The following MKLN1 variants were observed in gnomAD, a reference collection of about 807,000 sequenced individuals.
MKLN1 encodes the protein muskelin.
In MKLN1, 18 loss-of-function variants were observed where a neutral mutation model predicts 99.0. That is an observed-to-expected ratio of 0.18 (90% CI 0.13 to 0.27). The LOEUF is 0.27. MKLN1 is among the 10% of genes least tolerant of loss of function. MKLN1 has a pLI of 1.00. For missense variants in MKLN1, 621 were observed against 875.9 expected, an observed-to-expected ratio of 0.71 and a Z score of 3.67; for synonymous variants, 288 against 293.2, an observed-to-expected ratio of 0.98 and a Z score of 0.18.
intron 8 of MKLN1, among the ~76,000 whole-genome samples, chr7:131,427,102 A>G (rs1300290618): frequency 6.6e-6 from 1 of 152,124 alleles, no homozygotes. Flanking sequence ...ACCTGTACTG[A>G]TCACCCAGTT....
chr7:131,111,633 C>A (rs946746023), intron 1 of MKLN1, among the ~76,000 whole-genome samples: 50 of 152,126 alleles, frequency 3.3e-4, no homozygotes, highest in African/African-American at 1.2e-3. Flanking sequence ...ATTTGAGAAA[C>A]AATCCTTGAA....
intron 3 of MKLN1, among the ~76,000 whole-genome samples, chr7:131,227,861 C>G: frequency 6.6e-6 from 1 of 151,624 alleles, no homozygotes; most frequent in Admixed American, 6.6e-5. Context: ...CCACCGCGCC[C>G]GGCCTTCACT....
At chr7:131,396,455 C>T (rs1451730574) in intron 4 of MKLN1, among the ~76,000 whole-genome samples, 1 of 152,082 alleles carries the variant, frequency 6.6e-6, no homozygotes, top group Non-Finnish European at 1.5e-5. Context: ...CCTTATTGCA[C>T]TGGTTGAGAC....
At chr7:131,119,577 G>A (rs925757253) in intron 1 of MKLN1, among the ~76,000 whole-genome samples, 3 of 152,226 alleles carry the variant, frequency 2.0e-5, no homozygotes, top group South Asian at 4.1e-4. Context: ...GGTTCTCAAT[G>A]AGGGCTCTAT....
intron 3 of MKLN1, among the ~76,000 whole-genome samples, chr7:131,228,397 C>G (rs1481245569): frequency 6.6e-6 from 1 of 152,208 alleles, no homozygotes; most frequent in South Asian, 2.1e-4. Context: ...GGATTACAGG[C>G]ATGATGTGCC....
In MKLN1 at chr7:131,235,618, G is replaced by A. The variant is rs1032677680; in HGVS notation, c.-179+32644G>A. ...GAAAGGAAAAGGAAATTCTCCAGGCGTAGGAGCAAAATCTCGGGGATGTAA... is the reference window on the plus strand; with the variant it reads ...GAAAGGAAAAGGAAATTCTCCAGGCATAGGAGCAAAATCTCGGGGATGTAA... On this transcript the variant is annotated intron_variant, in intron 3 of 7. Coordinates refer to the MKLN1 transcript ENST00000416992. Among the ~76,000 whole-genome samples, 6 of 152,278 alleles carry A rather than the reference G, an allele frequency of 3.9e-5. No individual in the cohort carries two copies. In the South Asian group the frequency reaches 8.3e-4, roughly 21 times the overall value.
chr7:131,347,488 C>G (rs1015310134), intron 1 of MKLN1, among the ~76,000 whole-genome samples: 7 of 151,978 alleles, frequency 4.6e-5, no homozygotes, highest in Admixed American at 4.6e-4. Flanking sequence ...AGAAGCCAAA[C>G]AAAAACAAAA....
intron 6 of MKLN1, among the ~76,000 whole-genome samples, chr7:131,405,350 A>AAC (rs1365978205): frequency 6.9e-6 from 1 of 145,976 alleles, no homozygotes; most frequent in Non-Finnish European, 1.5e-5. Flanking sequence ...ACTTATCTTG[A>AAC]ATATATATAT....
At chr7:131,207,428 C>A (rs1796830362) in intron 3 of MKLN1, among the ~76,000 whole-genome samples, 2 of 152,128 alleles carry the variant, frequency 1.3e-5, no homozygotes, top group Admixed American at 1.3e-4. Flanking sequence ...GAACTCCTGG[C>A]CTCAAGTGAT....
intron 3 of MKLN1, among the ~76,000 whole-genome samples, chr7:131,225,039 G>C (rs2398743): frequency 0.91 from 137,836 of 151,218 alleles, 62,956 homozygotes; most frequent in East Asian, 1. Flanking sequence ...TGCCACTGCA[G>C]TCCAGGCTGG....
chr7:131,212,877 C>T (rs1456959303), intron 3 of MKLN1, among the ~76,000 whole-genome samples: 5 of 151,084 alleles, frequency 3.3e-5, no homozygotes, highest in Non-Finnish European at 4.4e-5. Flanking sequence ...GAGCCGAGAT[C>T]GCACCATTGT....
At chr7:131,155,085 A>T (rs976116279) in intron 2 of MKLN1, among the ~76,000 whole-genome samples, 1 of 152,236 alleles carries the variant, frequency 6.6e-6, no homozygotes, top group African/African-American at 2.4e-5. Flanking sequence ...GAAATTTAAA[A>T]AATCAATAAT....
chr7:131,463,332 A>G lies in MKLN1; in HGVS notation c.1641A>G (p.Ser547=). Residue 547 remains serine, a synonymous_variant, in exon 13 of 18, where the codon TCA becomes TCG. Coordinates refer to ENST00000352689, the MANE Select transcript of MKLN1 (RefSeq NM_013255.5). ...KEKREENVRN[S]FWIYDIVRNS... ...AGAGGGAAGAAAATGTTAGAAATTC[A>G]TTCTGGATTTATGACATTGTGAGGA... The G allele has an allele frequency of 6.2e-7, 1 of 1,612,692 alleles. No individual in the cohort carries two copies. The highest frequency in any genetic ancestry group is 1.1e-5 in the South Asian group (1 of 90,644).
intron 1 of MKLN1, among the ~76,000 whole-genome samples, chr7:131,127,547 G>T (rs1336160318): frequency 6.6e-6 from 1 of 152,228 alleles, no homozygotes; most frequent in African/African-American, 2.4e-5. Flanking sequence ...AATGGAGACA[G>T]GGGATATGTG....
At chr7:131,298,980 C>A (rs910088126) in intron 3 of MKLN1, among the ~76,000 whole-genome samples, 12 of 152,096 alleles carry the variant, frequency 7.9e-5, no homozygotes, top group Non-Finnish European at 1.8e-4. Context: ...GAGTTTGAGA[C>A]CAGCTTGGGC....
chr7:131,403,580 A>G (rs1402655076), intron 6 of MKLN1, among the ~76,000 whole-genome samples: 1 of 152,176 alleles, frequency 6.6e-6, no homozygotes, highest in African/African-American at 2.4e-5. Context: ...CCCTAAGTTT[A>G]ATTATTTCTA....
chr7:131,325,386 G>A, upstream of MKLN1, among the ~76,000 whole-genome samples: 1 of 152,092 alleles, frequency 6.6e-6, no homozygotes, highest in East Asian at 1.9e-4. Flanking sequence ...TAATCCCAGA[G>A]CAGGTGTTGA....
chr7:131,289,559 A>G (rs1798187055), intron 3 of MKLN1, among the ~76,000 whole-genome samples: 1 of 152,212 alleles, frequency 6.6e-6, no homozygotes, highest in African/African-American at 2.4e-5. Context: ...TCTTACTACC[A>G]GGAAGCAGCA....
intron 2 of MKLN1, among the ~76,000 whole-genome samples, chr7:131,156,585 C>T (rs979843932): frequency 2.0e-5 from 3 of 151,862 alleles, no homozygotes; most frequent in Admixed American, 6.6e-5. Flanking sequence ...AATCACCTAA[C>T]GCAAAGCCCA....
Sources: allele counts gnomAD v4.1 joint callset (sites outside exome capture counted in the v4.1 genomes callset), GRCh38; gene constraint gnomAD v4.1.1; transcripts MANE v1.5; gene names NCBI Gene and HGNC (gene_info 2026-07-23, HGNC 2026-07-21).